The following HPSE2 variants were observed in gnomAD, a reference collection of about 807,000 sequenced individuals.
The protein encoded by HPSE2 is inactive heparanase-2.
In HPSE2, 38 loss-of-function variants were observed where a neutral mutation model predicts 60.5. That is an observed-to-expected ratio of 0.63 (90% CI 0.48 to 0.82). The LOEUF (loss-of-function observed/expected upper bound fraction) is 0.82, where lower values mean the gene tolerates loss of function less well. Ranked by LOEUF, HPSE2 falls within the 40% of genes least tolerant of loss-of-function variation. The pLI is 0.00. For synonymous variants in HPSE2, 295 were observed against 293.2 expected (o/e 1.01, Z -0.06); for missense variants, 713 against 740.4 (o/e 0.96, Z 0.43).
intron 2 of HPSE2, among the ~76,000 whole-genome samples, chr10:99,217,285 G>A (rs1404872062): frequency 6.7e-6 from 1 of 149,714 alleles, no homozygotes; most frequent in African/African-American, 2.4e-5. Context: ...CTGGAAGTTT[G>A]TTAGAAATTC....
intron 5 of HPSE2, among the ~76,000 whole-genome samples, chr10:98,720,896 T>G (rs1183849010): frequency 6.6e-6 from 1 of 152,162 alleles, no homozygotes; most frequent in Admixed American, 6.6e-5. Flanking sequence ...ATCACAACTA[T>G]GTAAAATTAT....
intron 2 of HPSE2, among the ~76,000 whole-genome samples, chr10:99,191,773 A>G (rs968863639): frequency 2.0e-5 from 3 of 152,222 alleles, no homozygotes; most frequent in African/African-American, 7.2e-5. Context: ...CCTCACCAAA[A>G]GAACTAAATA....
At chr10:99,016,687 G>A (rs1364581715) in intron 3 of HPSE2, among the ~76,000 whole-genome samples, 2 of 152,018 alleles carry the variant, frequency 1.3e-5, no homozygotes, top group African/African-American at 2.4e-5. Flanking sequence ...CCATTTGTTT[G>A]TGTCATCTCT....
At chr10:98,632,818 C>G (rs566491919) in intron 7 of HPSE2, among the ~76,000 whole-genome samples, 2 of 152,262 alleles carry the variant, frequency 1.3e-5, no homozygotes, top group South Asian at 4.1e-4. Flanking sequence ...AAATGTCAGG[C>G]CCCATAAAAC....
intron 3 of HPSE2, among the ~76,000 whole-genome samples, chr10:98,847,837 C>G (rs895807629): frequency 6.6e-6 from 1 of 152,100 alleles, no homozygotes; most frequent in Non-Finnish European, 1.5e-5. Flanking sequence ...ATTAGAATAC[C>G]CAGACTGTGT....
At chr10:98,679,355 T>G (rs1947726476) in intron 6 of HPSE2, among the ~76,000 whole-genome samples, 1 of 152,186 alleles carries the variant, frequency 6.6e-6, no homozygotes, top group Non-Finnish European at 1.5e-5. Context: ...TTATTTGCCT[T>G]TTTCATTCTC....
At chr10:98,702,405 G>A (rs111317659) in intron 5 of HPSE2, among the ~76,000 whole-genome samples, 6,803 of 152,216 alleles carry the variant, frequency 0.045, 241 homozygotes, top group East Asian at 0.12. Context: ...AGATCAACGA[G>A]ACAGAAAATT....
chr10:99,096,032 A>G (rs1843706782), intron 3 of HPSE2, among the ~76,000 whole-genome samples: 1 of 152,196 alleles, frequency 6.6e-6, no homozygotes, highest in African/African-American at 2.4e-5. Flanking sequence ...GAAAATTAAT[A>G]CCACCCATAA....
chr10:98,521,013 G>A (rs994792175), intron 9 of HPSE2, among the ~76,000 whole-genome samples: 5 of 152,214 alleles, frequency 3.3e-5, no homozygotes, highest in African/African-American at 1.2e-4. Flanking sequence ...AGACTTAAGT[G>A]TTAGACCTAA....
intron 11 of HPSE2, among the ~76,000 whole-genome samples, chr10:98,477,614 GT>G (rs1450445857): frequency 6.6e-6 from 1 of 152,190 alleles, no homozygotes; most frequent in African/African-American, 2.4e-5. Flanking sequence ...CCTGTTTTTG[GT>G]TTGCTTTTTC....
intron 4 of HPSE2, among the ~76,000 whole-genome samples, chr10:98,740,350 GT>G (rs1489350516): frequency 1.3e-5 from 2 of 151,752 alleles, no homozygotes; most frequent in African/African-American, 4.8e-5. Context: ...TAATTTTCTA[GT>G]TTTTTGTAGA....
At chr10:99,202,453 GA>G (rs1848606716) in intron 2 of HPSE2, among the ~76,000 whole-genome samples, 1 of 152,168 alleles carries the variant, frequency 6.6e-6, no homozygotes, top group Non-Finnish European at 1.5e-5. Flanking sequence ...ACAGATTTTA[GA>G]ATCATTAGCA....
rs763727430 is a variant in HPSE2, at chr10:98,615,012, C to T, written c.1212G>A (p.Leu404=). ...GATTGGCCAGCATTCCTAAAGTGTT[C>T]AACCATCTAAAAGGCAGAGAAAAAG... ...SDSYAAGFLW[L]NTLGMLANQG... Residue 404 remains leucine, a synonymous_variant, in exon 9 of 12, where the codon TTG becomes TTA. Coordinates refer to ENST00000370552, the MANE Select transcript of HPSE2 (RefSeq NM_021828.5). The T allele has an allele frequency of 1.7e-5, 28 of 1,611,544 alleles. No homozygotes were observed. The highest frequency in any genetic ancestry group is 2.1e-5 in the Non-Finnish European group (25 of 1,177,858).
chr10:98,851,161 A>G (rs1280552447), intron 3 of HPSE2, among the ~76,000 whole-genome samples: 2 of 152,236 alleles, frequency 1.3e-5, no homozygotes, highest in Non-Finnish European at 2.9e-5. Context: ...AGGAAAAAGT[A>G]CCTCAGGAGA....
chr10:98,754,077 G>A (rs963069404), intron 3 of HPSE2, among the ~76,000 whole-genome samples: 2 of 152,104 alleles, frequency 1.3e-5, no homozygotes, highest in Non-Finnish European at 2.9e-5. Context: ...TCAGGAGAAA[G>A]TCAAAACTGA....
intron 3 of HPSE2, among the ~76,000 whole-genome samples, chr10:98,970,982 A>C (rs1269262758): frequency 6.6e-6 from 1 of 152,232 alleles, no homozygotes; most frequent in Non-Finnish European, 1.5e-5. Flanking sequence ...CATTTCAGAA[A>C]GAAGCCTCTG....
rs768151491 is a variant in HPSE2, at chr10:98,744,043, G to A, written c.624C>T (p.Asp208=). 6.2e-7 allele frequency: 1 copy of A among 1,614,066 alleles called. No homozygotes were observed. Among genetic ancestry groups the A allele is most frequent in the Admixed American group, 1.7e-5 (1 of 60,010 alleles). Residue 208 remains aspartate, a synonymous_variant, in exon 4 of 12, where the codon GAC becomes GAT. Transcript: ENST00000370552. The part of the protein sequence containing the change: ...SNLILTARSL[D]KLYNFADCSG... ...AGCAATCAGCAAAGTTATAAAGTTT[G>A]TCTAGAGACCTGGCTGGGAAGAAGC...
At chr10:98,761,195 T>C (rs1191021325) in intron 3 of HPSE2, among the ~76,000 whole-genome samples, 1 of 152,040 alleles carries the variant, frequency 6.6e-6, no homozygotes, top group Non-Finnish European at 1.5e-5. Context: ...AAGTCTTCTC[T>C]CTTTTTTGTT....
chr10:98,881,363 T>A (rs904841395), intron 3 of HPSE2, among the ~76,000 whole-genome samples: 9 of 152,002 alleles, frequency 5.9e-5, no homozygotes, highest in African/African-American at 2.2e-4. Flanking sequence ...GGGTTGCACA[T>A]ATGACAGGAA....
Sources: gnomAD v4.1 joint callset for allele counts (sites outside exome capture counted in the v4.1 genomes callset) on GRCh38, gnomAD v4.1.1 for gene constraint, MANE v1.5 for transcripts, NCBI Gene and HGNC (gene_info 2026-07-23, HGNC 2026-07-21) for gene names.